The following RIC8B variants were observed in gnomAD, a reference collection of about 807,000 sequenced individuals.
The protein encoded by RIC8B is RIC8 guanine nucleotide exchange factor B, also known as chaperone Ric-8B.
Under a neutral mutation model 57.5 loss-of-function variants are expected in RIC8B, and 16 were observed. That is an observed-to-expected ratio of 0.28 (90% CI 0.19 to 0.42). The LOEUF is 0.42. Among genes scored for constraint, RIC8B ranks in the 10% least tolerant of loss-of-function variants. The probability of loss-of-function intolerance (pLI) is 1.00; values close to 1 mark genes in which losing one functional copy is unlikely to be tolerated. For synonymous variants in RIC8B, 216 were observed against 250.8 expected (o/e 0.86, Z 1.31); for missense variants, 481 against 677.0 (o/e 0.71, Z 3.21).
chr12:106,783,870 T>G (rs2043877512), intron 1 of RIC8B, 127 bp from the exon 2 acceptor site: 3 of 727,390 alleles, frequency 4.1e-6, no homozygotes, highest in Admixed American at 2.5e-5. Context: ...CTTACTTTAA[T>G]AAGAATATTG....
intron 8 of RIC8B, among the ~76,000 whole-genome samples, chr12:106,860,901 G>A (rs1247366410): frequency 6.6e-6 from 1 of 151,970 alleles, no homozygotes; most frequent in African/African-American, 2.4e-5. Flanking sequence ...TGGCTTCACA[G>A]TGAATTTTAA....
At chr12:106,848,142 G>T (rs940039515) in intron 6 of RIC8B, among the ~76,000 whole-genome samples, 4 of 152,192 alleles carry the variant, frequency 2.6e-5, no homozygotes, top group Non-Finnish European at 5.9e-5. Context: ...GCAAACATCT[G>T]AAGAAAGTAA....
chr12:106,791,948 T>A (rs2044275218), intron 2 of RIC8B, among the ~76,000 whole-genome samples: 1 of 152,240 alleles, frequency 6.6e-6, no homozygotes, highest in Non-Finnish European at 1.5e-5. Context: ...TTTGGAATTG[T>A]CACACTCCAG....
At chr12:106,832,127 T>A (rs976677086) in intron 4 of RIC8B, among the ~76,000 whole-genome samples, 3 of 152,174 alleles carry the variant, frequency 2.0e-5, no homozygotes, top group African/African-American at 7.2e-5. Context: ...CAGTTAGGCC[T>A]TCCCTGACTG....
rs34706345 is a variant in RIC8B at position 106,802,534 on chromosome 12, ATTTTTTT to A, written c.133-12141_133-12135del. 2.9e-4 allele frequency among the ~76,000 whole-genome samples: 30 copies of A among 102,160 alleles called. No homozygotes were observed. In the Middle Eastern group the frequency reaches 0.017, roughly 59 times the overall value. The allele number at this position is 102,160 out of a possible 152,430, so 67.0% of individuals were successfully genotyped here. A position where few individuals can be genotyped will look rare whatever the true frequency, so the allele number is the denominator to read the frequency against. On this transcript the variant is annotated intron_variant, in intron 2 of 9. Transcript: ENST00000392837. ...ATTTCACTGCCACTACAATATGAGA[ATTTTTTT>A]TTTTTTTTTTTTTTTTTTTTAAGTA...
At chr12:106,843,773 C>A in intron 5 of RIC8B, 79 bp from the exon 6 acceptor site, 2 of 947,224 alleles carry the variant, frequency 2.1e-6, no homozygotes, top group East Asian at 2.6e-5. Context: ...AATTGATATC[C>A]TCAGTTACAT....
chr12:106,802,960 A>C (rs1440068018), intron 2 of RIC8B, among the ~76,000 whole-genome samples: 1 of 152,132 alleles, frequency 6.6e-6, no homozygotes, highest in African/African-American at 2.4e-5. Context: ...CTGCAATTCC[A>C]GCACTTTGGG....
At chr12:106,846,179 G>A (rs568955916) in intron 6 of RIC8B, among the ~76,000 whole-genome samples, 52 of 152,140 alleles carry the variant, frequency 3.4e-4, no homozygotes, top group Non-Finnish European at 5.9e-4. Flanking sequence ...GTGAACTGCC[G>A]ACTCATCTCC....
In RIC8B at chr12:106,851,317, T is replaced by A; in HGVS notation, c.1162-133T>A. The A allele has an allele frequency of 3.8e-5, 7 of 183,280 alleles. No individual in the cohort carries two copies. The East Asian group carries it at 9.5e-4, about 25-fold the overall frequency. 11.4% of individuals were successfully genotyped at this position (183,280 alleles called of 1,614,324 possible). Reference sequence around the variant, plus strand: ...TTTAGTTTTACTTGGAAGCTAACCTTTTTTTTTTTTTTTTTTTTTGCTCCT... The same window carrying A: ...TTTAGTTTTACTTGGAAGCTAACCTATTTTTTTTTTTTTTTTTTTGCTCCT... On this transcript the variant is annotated intron_variant, in intron 6 of 9. Transcript: ENST00000392837.
At chr12:106,779,868 CTTTT>C (rs34745029) in intron 1 of RIC8B, among the ~76,000 whole-genome samples, 13,853 of 98,236 alleles carry the variant, frequency 0.14, 717 homozygotes, top group Admixed American at 0.18. Context: ...GGGGCCTGTT[CTTTT>C]TTTTTTTTTT....
Position 106,774,738 on chromosome 12 carries a change from C to T in RIC8B, c.-8C>T, listed in dbSNP as rs2043355676. The T allele has an allele frequency of 6.5e-7, 1 of 1,548,304 alleles. No individual in the cohort carries two copies. Among genetic ancestry groups the T allele is most frequent in the South Asian group, 1.2e-5 (1 of 83,852 alleles). ...CAGAGCGGCCGCGGCTCCCCCGCAC[C>T]TGCGGCCATGGATGAGGAGCGCGCC... On this transcript the variant is annotated 5_prime_UTR_variant, in exon 1 of 10. Coordinates refer to ENST00000392837, the MANE Select transcript of RIC8B (RefSeq NM_001330145.2).
rs191888783 is a variant in RIC8B at position 106,861,135 on chromosome 12, C to T, written c.1451+723C>T. 7.9e-5 allele frequency among the ~76,000 whole-genome samples: 12 copies of T among 152,120 alleles called. No homozygotes were observed. The East Asian group carries it at 1.7e-3, about 22-fold the overall frequency. ...AACCCATGTAAATTCTTAGTTTCCG[C>T]TTATTAGGAGTTATTTGAGCTATGT... is the stretch of plus-strand genomic sequence containing the variant. On this transcript the variant is annotated intron_variant, in intron 8 of 9. Coordinates refer to ENST00000392837, the MANE Select transcript of RIC8B (RefSeq NM_001330145.2).
intron 2 of RIC8B, 129 bp downstream of exon 2, chr12:106,784,173 T>G: frequency 1.1e-6 from 1 of 872,392 alleles, no homozygotes; most frequent in Non-Finnish European, 1.8e-6. Flanking sequence ...TTTTGTTTTT[T>G]AGGAACCCTG....
At chr12:106,778,105 A>G (rs936964196) in intron 1 of RIC8B, among the ~76,000 whole-genome samples, 1 of 152,238 alleles carries the variant, frequency 6.6e-6, no homozygotes, top group African/African-American at 2.4e-5. Context: ...GGCACCCCAT[A>G]ACTGTTAGCT....
intron 1 of RIC8B, among the ~76,000 whole-genome samples, chr12:106,778,262 A>G (rs892710411): frequency 6.6e-6 from 1 of 152,202 alleles, no homozygotes; most frequent in Non-Finnish European, 1.5e-5. Flanking sequence ...GCTCCGGGAA[A>G]CATCTAATTT....
intron 7 of RIC8B, among the ~76,000 whole-genome samples, chr12:106,852,783 C>T (rs1949529636): frequency 6.6e-6 from 1 of 152,170 alleles, no homozygotes; most frequent in Non-Finnish European, 1.5e-5. Flanking sequence ...TGTTTAGCAT[C>T]TGTTCTTTTA....
rs929654043 is a variant in RIC8B at position 106,879,218 on chromosome 12, C to T, written c.1572-6686C>T. 27 of 985,686 alleles carry T rather than the reference C, an allele frequency of 2.7e-5. No homozygotes were observed. The highest frequency in any genetic ancestry group is 3.3e-5 in the Non-Finnish European group (27 of 829,916). The allele number at this position is 985,686 out of a possible 1,614,324, so 61.1% of individuals were successfully genotyped here. A position where few individuals can be genotyped will look rare whatever the true frequency, so the allele number is the denominator to read the frequency against. The stretch of plus-strand genomic sequence containing the variant: ...ATTATGTCCTGTTTTTCAACAAGTA[C>T]ACTTGAATTGAATGTTTTGTTTGTA... On this transcript the variant is annotated intron_variant, in intron 9 of 9. Coordinates refer to ENST00000392837, the MANE Select transcript of RIC8B (RefSeq NM_001330145.2). This position sits in a 1 kb window ranked among gnomAD's most constrained non-coding sequence, Gnocchi z 4.9.
At chr12:106,864,318 T>C (rs1160805167) in intron 8 of RIC8B, among the ~76,000 whole-genome samples, 1 of 152,090 alleles carries the variant, frequency 6.6e-6, no homozygotes, top group Non-Finnish European at 1.5e-5. Flanking sequence ...CTGAATAGAG[T>C]AACTTACCTC....
chr12:106,871,506 A>AAAAAAAAT (rs1247945154), intron 9 of RIC8B: 1 of 146,912 alleles, frequency 6.8e-6, no homozygotes, highest in South Asian at 2.1e-4. Flanking sequence ...AAACCAAAAA[A>AAAAAAAAT]CTCCCCTTCC....
Sources: allele counts gnomAD v4.1 joint callset (sites outside exome capture counted in the v4.1 genomes callset), GRCh38; gene constraint gnomAD v4.1.1; non-coding constraint Gnocchi (gnomAD v3.1); transcripts MANE v1.5; gene names NCBI Gene and HGNC (gene_info 2026-07-23, HGNC 2026-07-21).